Variants in RNF38 observed in about 807,000 individuals in gnomAD.
The protein encoded by RNF38 is ring finger protein 38, also known as E3 ubiquitin-protein ligase RNF38.
Under a neutral mutation model 67.2 loss-of-function variants are expected in RNF38, and 15 were observed. That is an observed-to-expected ratio of 0.22 (90% CI 0.15 to 0.34). The LOEUF is 0.34. RNF38 is among the 10% of genes least tolerant of loss of function. The pLI is 1.00. For missense variants in RNF38, 524 were observed against 639.9 expected, an observed-to-expected ratio of 0.82 and a Z score of 1.95; for synonymous variants, 220 against 218.8, an observed-to-expected ratio of 1.01 and a Z score of -0.05.
intron 2 of RNF38, among the ~76,000 whole-genome samples, chr9:36,385,210 C>G (rs1836515714): frequency 6.6e-6 from 1 of 152,056 alleles, no homozygotes; most frequent in Admixed American, 6.6e-5. Flanking sequence ...GGAACCATTT[C>G]TTGATCAGAT....
intron 2 of RNF38, among the ~76,000 whole-genome samples, chr9:36,380,585 C>T (rs1422012479): frequency 1.3e-5 from 2 of 152,110 alleles, no homozygotes; most frequent in East Asian, 1.9e-4. Context: ...CTCCACATCC[C>T]GGGCTAAAGA....
At chr9:36,390,639 GA>G in intron 1 of RNF38, 23 bp from the exon 2 acceptor site, 1 of 1,613,218 alleles carries the variant, frequency 6.2e-7, no homozygotes, top group Non-Finnish European at 8.5e-7. Flanking sequence ...GGAAGAAAAG[GA>G]TAGTTCATGG....
At position 36,353,244 on chromosome 9, in the gene RNF38, G is replaced by A. The variant is rs145433267; in HGVS notation, c.997C>T (p.Pro333Ser). Reference sequence around the variant, plus strand: ...AAGGGAGCTGATGGAGGTAATGTTGGGGGGTGGGCTGATGGAGGGTAAGTA... The same window carrying A: ...AAGGGAGCTGATGGAGGTAATGTTGAGGGGTGGGCTGATGGAGGGTAAGTA... ...GFTYPPSAHPPTLPPSAPLQF... is the reference protein window; with the variant it reads ...GFTYPPSAHPSTLPPSAPLQF... Residue 333 changes from proline to serine, a missense_variant, in exon 7 of 12, where the codon CCA becomes TCA. This residue lies in a region of RNF38 where 461 missense variants were observed against 517.4 expected (regional missense o/e 0.89). Transcript: ENST00000259605. 4.3e-6 allele frequency: 7 copies of A among 1,613,006 alleles called. No individual in the cohort carries two copies. The Admixed American group carries it at 5.0e-5, about 12-fold the overall frequency.
chr9:36,398,823 G>C (rs1474890976), intron 1 of RNF38, among the ~76,000 whole-genome samples: 1 of 152,162 alleles, frequency 6.6e-6, no homozygotes, highest in Non-Finnish European at 1.5e-5. Context: ...GTAGTACAGA[G>C]AAATAGGTGG....
At chr9:36,382,000 T>G (rs1405803597) in intron 2 of RNF38, among the ~76,000 whole-genome samples, 1 of 152,222 alleles carries the variant, frequency 6.6e-6, no homozygotes, top group East Asian at 1.9e-4. Context: ...CACTCCCCCG[T>G]CTCTAATTCA....
intron 1 of RNF38, among the ~76,000 whole-genome samples, chr9:36,457,253 AAACCAAACATAAGAAACAACTATCTT>A (rs1839615630): frequency 6.6e-6 from 1 of 152,246 alleles, no homozygotes; most frequent in African/African-American, 2.4e-5. Flanking sequence ...AATCACATTT[AAACCAAACATAAGAAACAACTATCTT>A]CAGAAACCCA....
intron 6 of RNF38, among the ~76,000 whole-genome samples, chr9:36,354,448 C>T (rs75697385): frequency 0.017 from 2,575 of 152,254 alleles, 117 homozygotes; most frequent in Admixed American, 0.094. Flanking sequence ...TAATCCACCG[C>T]GCACGGCCCA....
intron 1 of RNF38, among the ~76,000 whole-genome samples, chr9:36,459,206 CAA>C (rs796647730): frequency 2.8e-4 from 24 of 86,998 alleles, no homozygotes; most frequent in Admixed American, 5.3e-4. Flanking sequence ...GACTCTGTCT[CAA>C]AAAAAAAAAA....
At chr9:36,433,461 C>T in intron 1 of RNF38, among the ~76,000 whole-genome samples, 1 of 151,482 alleles carries the variant, frequency 6.6e-6, no homozygotes, top group East Asian at 1.9e-4. Flanking sequence ...AAACATAGGG[C>T]CAGGCACAGT....
chr9:36,337,648 GATTTT>G lies in RNF38; in HGVS notation c.*2099_*2103del, dbSNP rs1832548421. ...GATGGGCTTTTGCCATTTTAAACATGATTTTTTTTCATTAAAAAAGATTAAACTAT... is the reference window on the plus strand; with the variant it reads ...GATGGGCTTTTGCCATTTTAAACATGTTTTCATTAAAAAAGATTAAACTAT... On this transcript the variant is annotated 3_prime_UTR_variant, in exon 12 of 12. Coordinates refer to ENST00000259605, the MANE Select transcript of RNF38 (RefSeq NM_022781.5). The G allele has an allele frequency of 6.8e-6, 1 of 146,390 alleles. No homozygotes were observed. The highest frequency in any genetic ancestry group is 1.6e-5 in the Non-Finnish European group (1 of 64,120). 9.1% of individuals were successfully genotyped at this position (146,390 alleles called of 1,614,324 possible).
intron 8 of RNF38, among the ~76,000 whole-genome samples, chr9:36,351,746 T>G (rs903738448): frequency 1.3e-5 from 2 of 152,158 alleles, no homozygotes; most frequent in African/African-American, 4.8e-5. Context: ...CAGAAAGTAA[T>G]TATAGACATG....
chr9:36,400,130 ATTTC>A lies in RNF38; in HGVS notation c.-26_-23del. 6.2e-7 allele frequency: 1 copy of A among 1,611,862 alleles called. No homozygotes were observed. The highest frequency in any genetic ancestry group is 8.5e-7 in the Non-Finnish European group (1 of 1,179,114). ...CCATACAGACGTAAACAAAAACTTTATTTCTTTTTGGACCTCAATAACCTGAAAC... is the reference window on the plus strand; with the variant it reads ...CCATACAGACGTAAACAAAAACTTTATTTTTGGACCTCAATAACCTGAAAC... On this transcript the variant is annotated 5_prime_UTR_variant, in exon 1 of 12. Coordinates refer to ENST00000259605, the MANE Select transcript of RNF38 (RefSeq NM_022781.5).
intron 1 of RNF38, among the ~76,000 whole-genome samples, chr9:36,453,702 A>AT (rs1192691398): frequency 2.0e-5 from 3 of 152,066 alleles, no homozygotes; most frequent in Non-Finnish European, 4.4e-5. Flanking sequence ...GTTTTAAAAA[A>AT]TTTTTTGTAA....
chr9:36,337,800 T>C lies in RNF38; in HGVS notation c.*1952A>G, dbSNP rs1832559501. 6.6e-6 allele frequency: 1 copy of C among 152,662 alleles called. No homozygotes were observed. The highest frequency in any genetic ancestry group is 1.5e-5 in the Non-Finnish European group (1 of 68,040). The allele number at this position is 152,662 out of a possible 1,614,324, so 9.5% of individuals were successfully genotyped here. ...AAAAGTAACATGTGCATTAACCATG[T>C]GCATTTTTACCACTATTTAGAAGTA... is the stretch of plus-strand genomic sequence containing the variant. On this transcript the variant is annotated 3_prime_UTR_variant, in exon 12 of 12. Coordinates refer to ENST00000259605, the MANE Select transcript of RNF38 (RefSeq NM_022781.5).
Position 36,359,469 on chromosome 9 carries a change from C to CT in RNF38, c.571-1528dup, listed in dbSNP as rs532041083. Among the ~76,000 whole-genome samples, 5 of 152,252 alleles carry CT rather than the reference C, an allele frequency of 3.3e-5. No homozygotes were observed. In the East Asian group the frequency reaches 7.7e-4, roughly 24 times the overall value. ...ATACTTGCTCCATTTATTAAACCAT[C>CT]TTCTTGCCTCTACAGTGAAATACCA... On this transcript the variant is annotated intron_variant, in intron 4 of 11. Coordinates refer to ENST00000259605, the MANE Select transcript of RNF38 (RefSeq NM_022781.5).
rs1158069106 is a variant in RNF38 at position 36,390,702 on chromosome 9, C to A, written c.13-86G>T. The A allele has an allele frequency of 5.9e-6, 8 of 1,350,382 alleles. 1 individual carries two copies. In the South Asian group the frequency reaches 8.3e-5, roughly 14 times the overall value. 83.6% of individuals were successfully genotyped at this position (1,350,382 alleles called of 1,614,324 possible). The stretch of plus-strand genomic sequence containing the variant: ...GCCTATGAAGGATAGTCTGGATTTT[C>A]TAGGTATTTGATGATTCTGCTAGCG... On this transcript the variant is annotated intron_variant, in intron 1 of 11. Transcript: ENST00000259605.
intron 1 of RNF38, among the ~76,000 whole-genome samples, chr9:36,471,809 G>A (rs1840005349): frequency 1.3e-5 from 2 of 152,192 alleles, no homozygotes; most frequent in East Asian, 1.9e-4. Context: ...TGCCTGGGAT[G>A]GTCTCAAACA....
chr9:36,355,089 T>C (rs1174861148), intron 6 of RNF38, among the ~76,000 whole-genome samples: 1 of 152,194 alleles, frequency 6.6e-6, no homozygotes, highest in Non-Finnish European at 1.5e-5. Flanking sequence ...AAGAAAAGAT[T>C]GTCTTGCAGA....
intron 4 of RNF38, among the ~76,000 whole-genome samples, chr9:36,368,911 C>T (rs1309758487): frequency 6.6e-6 from 1 of 151,690 alleles, no homozygotes; most frequent in Non-Finnish European, 1.5e-5. Context: ...CTCAGAAACT[C>T]CACAGAAAAG....
Sources: gnomAD v4.1 joint callset for allele counts (sites outside exome capture counted in the v4.1 genomes callset) on GRCh38, gnomAD v4.1.1 for gene constraint, gnomAD v4.1.1 regional missense constraint, MANE v1.5 for transcripts, NCBI Gene and HGNC (gene_info 2026-07-23, HGNC 2026-07-21) for gene names.